The following MEIKIN variants were observed in gnomAD, a reference collection of about 807,000 sequenced individuals.
The protein encoded by MEIKIN is meiosis-specific kinetochore protein.
At chr5:131,906,699 G>A (rs1046784692) in intron 8 of MEIKIN, among the ~76,000 whole-genome samples, 12 of 152,106 alleles carry the variant, frequency 7.9e-5, no homozygotes, top group African/African-American at 2.9e-4. Context: ...AAAAGAATAA[G>A]AATATGTCCT....
chr5:131,894,641 AT>A (rs1751001848), intron 8 of MEIKIN, among the ~76,000 whole-genome samples: 1 of 152,060 alleles, frequency 6.6e-6, no homozygotes, highest in Middle Eastern at 3.4e-3. Context: ...ATTCCTAGGT[AT>A]TTTATTCTCT....
intron 9 of MEIKIN, among the ~76,000 whole-genome samples, chr5:131,865,254 C>T (rs1433222927): frequency 6.7e-6 from 1 of 149,598 alleles, no homozygotes; most frequent in Non-Finnish European, 1.5e-5. Flanking sequence ...GAGTCATGCT[C>T]TGACGCCCAG....
intron 8 of MEIKIN, among the ~76,000 whole-genome samples, chr5:131,880,128 T>C (rs1205076238): frequency 3.3e-5 from 5 of 151,928 alleles, no homozygotes; most frequent in African/African-American, 1.2e-4. Flanking sequence ...TGCTCTTTGT[T>C]GCCCAGGCTG....
At chr5:131,878,416 A>T (rs1750650714) in intron 9 of MEIKIN, among the ~76,000 whole-genome samples, 1 of 152,020 alleles carries the variant, frequency 6.6e-6, no homozygotes, top group Non-Finnish European at 1.5e-5. Flanking sequence ...AAATACAAAA[A>T]ATTATCCAGG....
At chr5:131,877,608 C>T (rs1313137581) in intron 9 of MEIKIN, among the ~76,000 whole-genome samples, 1 of 152,136 alleles carries the variant, frequency 6.6e-6, no homozygotes, top group African/African-American at 2.4e-5. Context: ...AGAGCCACTG[C>T]ACTCCAGCCT....
In MEIKIN at chr5:131,866,619, G is replaced by A. The variant is rs1445631532; in HGVS notation, c.775-11785C>T. Among the ~76,000 whole-genome samples, 2 of 152,226 alleles carry A rather than the reference G, an allele frequency of 1.3e-5. 1 individual carries two copies. The highest frequency in any genetic ancestry group is 3.9e-4 in the East Asian group (2 of 5,190). On this transcript the variant is annotated intron_variant, in intron 9 of 12. Transcript: ENST00000442687. ...AGTGGAATTTGTCTTTGGAGTGTGTGAGAATGCACAGTTGCCCCTCTGTGG... is the reference window on the plus strand; with the variant it reads ...AGTGGAATTTGTCTTTGGAGTGTGTAAGAATGCACAGTTGCCCCTCTGTGG...
At chr5:131,856,406 G>A (rs1450291139) in intron 9 of MEIKIN, among the ~76,000 whole-genome samples, 1 of 152,130 alleles carries the variant, frequency 6.6e-6, no homozygotes, top group Non-Finnish European at 1.5e-5. Context: ...CAGCCCCCAA[G>A]CACAACATCT....
In MEIKIN at chr5:131,854,735, G is replaced by A; in HGVS notation, c.855+19C>T. On this transcript the variant is annotated intron_variant, in intron 10 of 12. Transcript: ENST00000442687. ...GAGCCAGAAAACAGATACTACAAGT[G>A]CCAAATGCTAATACTTACCACAAAA... is the stretch of plus-strand genomic sequence containing the variant. The A allele has an allele frequency of 2.5e-6, 1 of 397,594 alleles. No homozygotes were observed. Among genetic ancestry groups the A allele is most frequent in the Admixed American group, 4.4e-5 (1 of 22,714 alleles). 24.6% of individuals were successfully genotyped at this position (397,594 alleles called of 1,614,324 possible). A position where few individuals can be genotyped will look rare whatever the true frequency, so the allele number is the denominator to read the frequency against.
chr5:131,890,875 C>T (rs868395103), intron 8 of MEIKIN, among the ~76,000 whole-genome samples: 1 of 152,224 alleles, frequency 6.6e-6, no homozygotes, highest in African/African-American at 2.4e-5. Context: ...TTTCCCTCTA[C>T]ACACTGTTTT....
At chr5:131,859,416 A>T (rs1367545376) in intron 9 of MEIKIN, among the ~76,000 whole-genome samples, 3 of 152,202 alleles carry the variant, frequency 2.0e-5, no homozygotes, top group Non-Finnish European at 4.4e-5. Flanking sequence ...TAATGGGGAT[A>T]GATTTCTCTG....
chr5:131,863,483 T>G (rs1750323772), intron 9 of MEIKIN, among the ~76,000 whole-genome samples: 1 of 151,370 alleles, frequency 6.6e-6, no homozygotes, highest in African/African-American at 2.4e-5. Context: ...CATTGTTGGG[T>G]GCATATGTAT....
chr5:131,907,095 A>T (rs80200865), intron 8 of MEIKIN, among the ~76,000 whole-genome samples: 1 of 152,202 alleles, frequency 6.6e-6, no homozygotes, highest in Non-Finnish European at 1.5e-5. Context: ...ATGACTAGTG[A>T]GTCAATGAAG....
chr5:131,823,745 T>C (rs1580859815), intron 11 of MEIKIN, among the ~76,000 whole-genome samples: 2 of 152,222 alleles, frequency 1.3e-5, no homozygotes, highest in Admixed American at 1.3e-4. Flanking sequence ...CTGGTGCTTA[T>C]AGATGTTCAT....
At chr5:131,829,840 G>C (rs1351428507) in intron 11 of MEIKIN, among the ~76,000 whole-genome samples, 1 of 152,156 alleles carries the variant, frequency 6.6e-6, no homozygotes, top group Admixed American at 6.6e-5. Flanking sequence ...GAAGATAGAA[G>C]AAAGTGCCTC....
At chr5:131,828,031 C>T (rs1375366515) in intron 11 of MEIKIN, among the ~76,000 whole-genome samples, 2 of 150,160 alleles carry the variant, frequency 1.3e-5, no homozygotes, top group African/African-American at 2.5e-5. Context: ...AGAGCAAGAC[C>T]CTGTCTCAAA....
At chr5:131,867,900 T>C (rs186406073) in intron 9 of MEIKIN, among the ~76,000 whole-genome samples, 2 of 152,350 alleles carry the variant, frequency 1.3e-5, no homozygotes, top group East Asian at 3.9e-4. Flanking sequence ...AGGAATGTAA[T>C]TGCTGGATCA....
rs144874137 is a variant in MEIKIN, at chr5:131,829,974, C to T, written c.976-11111G>A. On this transcript the variant is annotated intron_variant, in intron 11 of 12. Transcript: ENST00000442687. Reference sequence around the variant, plus strand: ...CCACCTAGTTTGTGGTTCTTTGTTACAGCATCTTTAAAGCATTAATGTAAG... The same window carrying T: ...CCACCTAGTTTGTGGTTCTTTGTTATAGCATCTTTAAAGCATTAATGTAAG... Among the ~76,000 whole-genome samples the T allele has an allele frequency of 2.9e-4, 44 of 152,268 alleles. No individual in the cohort carries two copies. In the East Asian group the frequency reaches 8.1e-3, roughly 28 times the overall value.
At position 131,850,057 on chromosome 5, in the gene MEIKIN, C is replaced by A. The variant is rs77944608; in HGVS notation, c.975+1207G>T. 1.1e-3 allele frequency among the ~76,000 whole-genome samples: 170 copies of A among 149,246 alleles called. 1 individual carries two copies. Among genetic ancestry groups the A allele is most frequent in the African/African-American group, 3.7e-3 (150 of 40,628 alleles). On this transcript the variant is annotated intron_variant, in intron 11 of 12. Transcript: ENST00000442687. ...TTTGAAAAGAAATTACCAAAAAAAA[C>A]AAAAAAAAAGAAAATAAATTACAAT... is the stretch of plus-strand genomic sequence containing the variant.
chr5:131,847,432 A>T (rs1341723169), intron 11 of MEIKIN, among the ~76,000 whole-genome samples: 1 of 152,140 alleles, frequency 6.6e-6, no homozygotes, highest in Admixed American at 6.5e-5. Context: ...TCAAAAGGTT[A>T]TAAGAGACAA....
Sources: gnomAD v4.1 joint callset for allele counts (sites outside exome capture counted in the v4.1 genomes callset) on GRCh38, gnomAD v4.1.1 for gene constraint, MANE v1.5 for transcripts, NCBI Gene and HGNC (gene_info 2026-07-23, HGNC 2026-07-21) for gene names.